GATA2: variants seen among roughly 807,000 people sequenced by gnomAD.
The protein encoded by GATA2 is endothelial transcription factor GATA-2.
Under a neutral mutation model 35.7 loss-of-function variants are expected in GATA2, and 6 were observed. The ratio of observed to expected loss-of-function variants is 0.17; its 90% CI spans 0.09 to 0.33. The LOEUF is 0.33. GATA2 is among the 10% of genes least tolerant of loss of function. The pLI, the probability that GATA2 is intolerant of heterozygous loss-of-function variation, is 1.00. For synonymous variants in GATA2, 313 were observed against 274.9 expected (o/e 1.14, Z -1.37); for missense variants, 541 against 656.6 (o/e 0.82, Z 1.92).
At chr3:128,484,480 C>T (rs956068498) in intron 3 of GATA2, among the ~76,000 whole-genome samples, 3 of 152,206 alleles carry the variant, frequency 2.0e-5, no homozygotes, top group African/African-American at 7.2e-5. Flanking sequence ...TCTTTCTGCT[C>T]TAAGTCCAGA....
intron 5 of GATA2, among the ~76,000 whole-genome samples, chr3:128,481,576 C>A (rs560546629): frequency 4.6e-5 from 7 of 152,246 alleles, no homozygotes; most frequent in Non-Finnish European, 8.8e-5. Flanking sequence ...GTCCTCCCCC[C>A]CACCCTGACC....
Position 128,488,056 on chromosome 3 carries a change from C to T in GATA2, c.-45-980G>A, listed in dbSNP as rs979080972. Reference sequence around the variant, plus strand: ...GAACCGCTGGACTCCGGGACTGACCCGCGGGCCGGCCCCCCTCAGCCGGCG... The same window carrying T: ...GAACCGCTGGACTCCGGGACTGACCTGCGGGCCGGCCCCCCTCAGCCGGCG... On this transcript the variant is annotated intron_variant, in intron 1 of 5. Coordinates refer to ENST00000341105, the MANE Select transcript of GATA2 (RefSeq NM_032638.5). This position sits in a 1 kb window ranked among gnomAD's most constrained non-coding sequence, Gnocchi z 5.8. 4 of 152,276 alleles carry T rather than the reference C, an allele frequency of 2.6e-5. No homozygotes were observed. The highest frequency in any genetic ancestry group is 1.9e-4 in the East Asian group (1 of 5,172). The allele number at this position is 152,276 out of a possible 1,614,324, so 9.4% of individuals were successfully genotyped here.
At position 128,481,195 on chromosome 3, in the gene GATA2, C is replaced by T. The variant is rs758517602; in HGVS notation, c.1267G>A (p.Glu423Lys). The stretch of plus-strand genomic sequence containing the variant: ...GCTGCACTGAAGGGGGATGACTTCT[C>T]CTGCATGCACTTTGACAGCTCCTCG... ...CFEELSKCMQEKSSPFSAAAL... is the reference protein window; with the variant it reads ...CFEELSKCMQKKSSPFSAAAL... The change falls in exon 6 of 6, where the codon GAG (glutamate) becomes AAG (lysine). Residue 423 changes from glutamate to lysine, a missense_variant. Around this residue, in one of 5 missense-constraint regions of GATA2, gnomAD observed 95 missense variants for 114.0 expected, o/e 0.83. Transcript: ENST00000341105. The T allele has an allele frequency of 6.2e-7, 1 of 1,614,226 alleles. No homozygotes were observed. The highest frequency in any genetic ancestry group is 8.5e-7 in the Non-Finnish European group (1 of 1,180,042).
Position 128,486,146 on chromosome 3 carries a change from C to T in GATA2, c.452G>A (p.Gly151Asp), listed in dbSNP as rs756058583. ...YPGAGGGSGG[G>D]SGSSVASLTP... is the part of the protein sequence containing the mutation. ...GAGGGAGGCCACTGAGCTCCCGCTG[C>T]CTCCCCCGCTCCCACCCCCAGCCCC... Residue 151 changes from glycine (G) to aspartate (D), a missense_variant, in exon 3 of 6, where the codon GGC (glycine) becomes GAC (aspartate). Physicochemically the swap from Gly to Asp is moderately conservative, Grantham distance 94 (BLOSUM62 -1). This residue lies in a region of GATA2 where 389 missense variants were observed against 396.9 expected (regional missense o/e 0.98). Transcript: ENST00000341105. 6.3e-7 allele frequency: 1 copy of T among 1,590,314 alleles called. No individual in the cohort carries two copies. Among genetic ancestry groups the T allele is most frequent in the South Asian group, 1.1e-5 (1 of 88,044 alleles).
intron 1 of GATA2, among the ~76,000 whole-genome samples, chr3:128,491,724 A>G (rs1425792094): frequency 1.3e-5 from 2 of 151,858 alleles, no homozygotes; most frequent in South Asian, 2.1e-4. Context: ...CCCACGTCCT[A>G]GGTGTCTCGG....
chr3:128,485,204 C>G (rs970489517), intron 3 of GATA2, among the ~76,000 whole-genome samples: 2 of 152,078 alleles, frequency 1.3e-5, no homozygotes, highest in Admixed American at 6.5e-5. Flanking sequence ...GAAAATCTCC[C>G]GAGGAGATCA....
Position 128,485,971 on chromosome 3 carries a change from G to A in GATA2, c.627C>T (p.Asp209=), listed in dbSNP as rs370923405. The change falls in exon 3 of 6, where the codon GAC becomes GAT. Residue 209 remains aspartate, a synonymous_variant. Coordinates refer to ENST00000341105, the MANE Select transcript of GATA2 (RefSeq NM_032638.5). The part of the protein sequence containing the change: ...GGSAARGEDK[D]GVKYQVSLTE... ...TCAGTGACACCTGGTACTTGACGCC[G>A]TCCTTGTCCTCTCCTCGGGCTGCAC... 2.5e-6 allele frequency: 4 copies of A among 1,614,096 alleles called. No homozygotes were observed. The African/African-American group carries it at 4.0e-5, about 16-fold the overall frequency.
intron 4 of GATA2, among the ~76,000 whole-genome samples, chr3:128,483,434 C>T (rs2068655328): frequency 6.6e-6 from 1 of 152,134 alleles, no homozygotes; most frequent in Admixed American, 6.5e-5. Flanking sequence ...TAATAAAGGG[C>T]AGGTTTTTTT....
intron 4 of GATA2, among the ~76,000 whole-genome samples, chr3:128,483,606 A>G (rs913355016): frequency 6.6e-6 from 1 of 152,198 alleles, no homozygotes; most frequent in African/African-American, 2.4e-5. Context: ...GTGGACACTC[A>G]ACTTCGGGGA....
At chr3:128,486,419 C>G (rs984932814) in intron 2 of GATA2, 51 bp from the exon 3 acceptor site, 1 of 1,571,620 alleles carries the variant, frequency 6.4e-7, no homozygotes, top group African/African-American at 1.3e-5. Context: ...TCAGGGTAGG[C>G]AGAGCTAGGG....
Position 128,485,630 on chromosome 3 carries a change from G to A in GATA2, c.871+97C>T, listed in dbSNP as rs142042760. 3.3e-3 allele frequency: 4,744 copies of A among 1,450,188 alleles called. 17 individuals carry two copies. Among genetic ancestry groups the A allele is most frequent in the Non-Finnish European group, 4.2e-3 (4,485 of 1,065,486 alleles). 89.8% of individuals were successfully genotyped at this position (1,450,188 alleles called of 1,614,324 possible). On this transcript the variant is annotated intron_variant, in intron 3 of 5. Transcript: ENST00000341105. ...CGAGACATCACCCATCCCCAGATCT[G>A]GGAAACCAACACTGCCACCTCTCCC... is the stretch of plus-strand genomic sequence containing the variant.
In GATA2 at chr3:128,480,017, C is replaced by T. The variant is rs977325610; in HGVS notation, c.*1002G>A. On this transcript the variant is annotated 3_prime_UTR_variant, in exon 6 of 6. Transcript: ENST00000341105. ...GGGCTGTGGGATCCCAGCTCTTTTC[C>T]AAAAAGAATTGCAAAGCTCCAACCT... 8.6e-6 allele frequency: 2 copies of T among 232,840 alleles called. No homozygotes were observed. Among genetic ancestry groups the T allele is most frequent in the Non-Finnish European group, 1.7e-5 (2 of 117,854 alleles). The allele number at this position is 232,840 out of a possible 1,614,324, so 14.4% of individuals were successfully genotyped here. A position where few individuals can be genotyped will look rare whatever the true frequency, so the allele number is the denominator to read the frequency against.
chr3:128,484,379 AGGAG>A (rs886815735), intron 3 of GATA2, among the ~76,000 whole-genome samples: 8 of 152,262 alleles, frequency 5.3e-5, no homozygotes, highest in African/African-American at 1.7e-4. Context: ...GGCTGGGCCC[AGGAG>A]GCTCTCTCCT....
At chr3:128,486,733 C>T in intron 2 of GATA2, 70 bp downstream of exon 2, 1 of 1,402,432 alleles carries the variant, frequency 7.1e-7, no homozygotes, top group Non-Finnish European at 9.9e-7. Context: ...AGCAAGCAGA[C>T]GGGCCCTCCT....
chr3:128,493,092 G>A lies in GATA2; in HGVS notation c.-239C>T, dbSNP rs2068797973. The A allele has an allele frequency of 1.3e-5, 2 of 152,346 alleles. No individual in the cohort carries two copies. Among genetic ancestry groups the A allele is most frequent in the Admixed American group, 1.3e-4 (2 of 15,294 alleles). 9.4% of individuals were successfully genotyped at this position (152,346 alleles called of 1,614,324 possible). On this transcript the variant is annotated 5_prime_UTR_variant, in exon 1 of 6. Coordinates refer to ENST00000341105, the MANE Select transcript of GATA2 (RefSeq NM_032638.5). ...CGCTTTTGTCCGCCTGGTGGGCGAC[G>A]GGGCCCTGCTAGGATGGATGTGGCG...
At position 128,486,939 on chromosome 3, in the gene GATA2, G is replaced by C. The variant is rs1010470274; in HGVS notation, c.93C>G (p.His31Gln). 1 of 1,613,036 alleles carries C rather than the reference G, an allele frequency of 6.2e-7. No individual in the cohort carries two copies. The highest frequency in any genetic ancestry group is 8.5e-7 in the Non-Finnish European group (1 of 1,179,626). Residue 31 changes from histidine (H) to glutamine (Q), a missense_variant, in exon 2 of 6, where the codon CAC (histidine) becomes CAG (glutamine). By Grantham distance (24) the His-to-Gln change is conservative. Coordinates refer to ENST00000341105, the MANE Select transcript of GATA2 (RefSeq NM_032638.5). ...GCAGCTGCGCGGGTTCCATGTAGTTGTGCGCCAGGCCCGGGTGGTGTGAGT... is the reference window on the plus strand; with the variant it reads ...GCAGCTGCGCGGGTTCCATGTAGTTCTGCGCCAGGCCCGGGTGGTGTGAGT... ...HPDSHHPGLAHNYMEPAQLLP... is the reference protein window; with the variant it reads ...HPDSHHPGLAQNYMEPAQLLP...
chr3:128,482,644 C>G (rs1170976276), intron 4 of GATA2, among the ~76,000 whole-genome samples: 1 of 152,140 alleles, frequency 6.6e-6, no homozygotes, highest in Non-Finnish European at 1.5e-5. Context: ...CTGATCCCCC[C>G]CATCCAGCCC....
intron 5 of GATA2, 100 bp downstream of exon 5, chr3:128,481,719 C>T: frequency 1.4e-6 from 2 of 1,453,552 alleles, no homozygotes; most frequent in African/African-American, 1.4e-5. Flanking sequence ...CTTCCCAAGC[C>T]AAGCCAAGCT....
At chr3:128,491,054 A>G (rs1490039416) in intron 1 of GATA2, among the ~76,000 whole-genome samples, 2 of 152,146 alleles carry the variant, frequency 1.3e-5, no homozygotes, top group African/African-American at 2.4e-5. Flanking sequence ...GAGAACTCAC[A>G]GCGGCGATCG....
Sources: allele counts gnomAD v4.1 joint callset (sites outside exome capture counted in the v4.1 genomes callset), GRCh38; gene constraint gnomAD v4.1.1; regional missense constraint gnomAD v4.1.1; non-coding constraint Gnocchi (gnomAD v3.1); transcripts MANE v1.5; gene names NCBI Gene and HGNC (gene_info 2026-07-23, HGNC 2026-07-21).